WWOX: variants seen among roughly 807,000 people sequenced by gnomAD.
WWOX encodes the protein WW domain containing oxidoreductase, also known as WW domain-containing oxidoreductase.
WWOX carries 69 observed loss-of-function variants against 46.2 expected under a neutral mutation model. The ratio of observed to expected loss-of-function variants is 1.49; its 90% CI spans 1.23 to 1.82. The LOEUF is 1.82. Ranked by LOEUF, WWOX falls within the 40% of genes most tolerant of loss-of-function variation. The pLI is 0.00. For missense variants in WWOX, 919 were observed against 542.6 expected (o/e 1.69, Z -6.89); for synonymous variants, 359 against 202.6 (o/e 1.77, Z -6.56).
At chr16:78,900,412 G>GT (rs1414095069) in intron 8 of WWOX, among the ~76,000 whole-genome samples, 3 of 152,066 alleles carry the variant, frequency 2.0e-5, no homozygotes, top group Non-Finnish European at 4.4e-5. Context: ...CAAATAATTT[G>GT]TTTTTTATTT....
chr16:78,401,550 A>G (rs1028172363), intron 6 of WWOX, among the ~76,000 whole-genome samples: 8 of 152,112 alleles, frequency 5.3e-5, no homozygotes, highest in Admixed American at 3.9e-4. Flanking sequence ...ATTTAGGGGA[A>G]AGAGTCTGGA....
intron 8 of WWOX, among the ~76,000 whole-genome samples, chr16:78,892,672 T>C (rs1228534593): frequency 6.6e-6 from 1 of 152,222 alleles, no homozygotes; most frequent in Admixed American, 6.5e-5. Context: ...AGGCCAGCAT[T>C]GGGCTAGGTG....
intron 8 of WWOX, among the ~76,000 whole-genome samples, chr16:79,056,845 A>G (rs1029234500): frequency 1.3e-5 from 2 of 152,204 alleles, no homozygotes; most frequent in African/African-American, 2.4e-5. Context: ...CCAAATTGTC[A>G]TAGGAATAGT....
chr16:78,993,872 C>G (rs1167125929), intron 8 of WWOX, among the ~76,000 whole-genome samples: 1 of 152,220 alleles, frequency 6.6e-6, no homozygotes, highest in Non-Finnish European at 1.5e-5. Flanking sequence ...GTCGGTCACT[C>G]CTGTTCCTTT....
At chr16:78,917,561 C>G (rs529918040) in intron 8 of WWOX, among the ~76,000 whole-genome samples, 1 of 152,040 alleles carries the variant, frequency 6.6e-6, no homozygotes, top group Non-Finnish European at 1.5e-5. Context: ...TAACCCCCAA[C>G]CACTGTCACT....
chr16:78,936,038 A>C (rs2045730552), intron 8 of WWOX, among the ~76,000 whole-genome samples: 1 of 152,170 alleles, frequency 6.6e-6, no homozygotes, highest in South Asian at 2.1e-4. Context: ...TTTGGAGAGT[A>C]GGAGTGAAAG....
At chr16:79,023,252 A>G (rs547015127) in intron 8 of WWOX, among the ~76,000 whole-genome samples, 12 of 152,276 alleles carry the variant, frequency 7.9e-5, no homozygotes, top group African/African-American at 2.9e-4. Context: ...TAATAAAAGA[A>G]TTACTGTTCT....
chr16:78,156,562 T>A (rs552819494), intron 4 of WWOX, among the ~76,000 whole-genome samples: 2 of 152,278 alleles, frequency 1.3e-5, no homozygotes, highest in South Asian at 4.1e-4. Context: ...TCCTACTGGG[T>A]GCTAGTCTGG....
intron 8 of WWOX, among the ~76,000 whole-genome samples, chr16:78,463,173 A>G (rs2083992903): frequency 6.6e-6 from 1 of 152,220 alleles, no homozygotes; most frequent in Non-Finnish European, 1.5e-5. Flanking sequence ...GCGAAAGAAA[A>G]TAAACAGGCA....
At chr16:78,643,599 C>T (rs2142121413) in intron 8 of WWOX, among the ~76,000 whole-genome samples, 1 of 152,250 alleles carries the variant, frequency 6.6e-6, no homozygotes, top group African/African-American at 2.4e-5. Context: ...GGTTAATCAG[C>T]CACGCGCTGA....
At chr16:78,628,338 A>T (rs150572437) in intron 8 of WWOX, among the ~76,000 whole-genome samples, 3 of 152,234 alleles carry the variant, frequency 2.0e-5, no homozygotes, top group Non-Finnish European at 4.4e-5. Flanking sequence ...CTTCCAGCAG[A>T]ATCCCCTTTG....
At chr16:78,493,965 A>G (rs563846049) in intron 8 of WWOX, among the ~76,000 whole-genome samples, 1 of 152,324 alleles carries the variant, frequency 6.6e-6, no homozygotes, top group Admixed American at 6.5e-5. Flanking sequence ...CGATTCTCAC[A>G]CTGCTATAAA....
chr16:78,649,237 G>C (rs140701761), intron 8 of WWOX, among the ~76,000 whole-genome samples: 1 of 152,070 alleles, frequency 6.6e-6, no homozygotes, highest in African/African-American at 2.4e-5. Context: ...CAACCGCCTC[G>C]GACTTCCGAA....
At chr16:79,074,086 G>T (rs2048603711) in intron 8 of WWOX, among the ~76,000 whole-genome samples, 1 of 152,046 alleles carries the variant, frequency 6.6e-6, no homozygotes, top group Admixed American at 6.5e-5. Context: ...CTGAGGATGG[G>T]TGCTTTGTGG....
chr16:78,660,290 C>G lies in WWOX; in HGVS notation c.1056+227538C>G, dbSNP rs530060119. Among the ~76,000 whole-genome samples, 159 of 152,248 alleles carry G rather than the reference C, an allele frequency of 1.0e-3. 2 individuals are homozygous for G. Among genetic ancestry groups the G allele is most frequent in the African/African-American group, 3.7e-3 (155 of 41,560 alleles). Reference sequence around the variant, plus strand: ...ACTGTGAGCCCATCACTAAAATGCACTTCCGTACACTAAAGGTCCCTCTTC... The same window carrying G: ...ACTGTGAGCCCATCACTAAAATGCAGTTCCGTACACTAAAGGTCCCTCTTC... On this transcript the variant is annotated intron_variant, in intron 8 of 8. Transcript: ENST00000566780.
At position 78,099,727 on chromosome 16, in the gene WWOX, G is replaced by T. The variant is rs375359239; in HGVS notation, c.-52G>T. 9.3e-6 allele frequency: 14 copies of T among 1,507,978 alleles called. No individual in the cohort carries two copies. The highest frequency in any genetic ancestry group is 2.6e-5 in the East Asian group (1 of 38,804). The allele number at this position is 1,507,978 out of a possible 1,614,324, so 93.4% of individuals were successfully genotyped here. ...TTGGAGCGGGAGTGAGTTCCTGAGCGAGTGGACCCGGCAGCGGGCGATAGG... is the reference window on the plus strand; with the variant it reads ...TTGGAGCGGGAGTGAGTTCCTGAGCTAGTGGACCCGGCAGCGGGCGATAGG... On this transcript the variant is annotated 5_prime_UTR_variant, in exon 1 of 9. Transcript: ENST00000566780.
chr16:78,333,111 T>C (rs2080802704), intron 5 of WWOX, among the ~76,000 whole-genome samples: 1 of 137,428 alleles, frequency 7.3e-6, no homozygotes, highest in Admixed American at 8.0e-5. Context: ...AGTGCAGTGG[T>C]GTGATCTCGG....
chr16:78,214,585 T>G (rs1410977562), intron 5 of WWOX, among the ~76,000 whole-genome samples: 1 of 152,180 alleles, frequency 6.6e-6, no homozygotes, highest in African/African-American at 2.4e-5. Flanking sequence ...ATCATGCCAT[T>G]TAGCCACACT....
Position 78,131,241 on chromosome 16 carries a change from C to A in WWOX, c.409+16087C>A, listed in dbSNP as rs138124097. ...TTGATTCGCTTTTGTGAGACAGGGT[C>A]TTGCTCTGTTACCCAGGCTTCAGTG... On this transcript the variant is annotated intron_variant, in intron 4 of 8. Coordinates refer to ENST00000566780, the MANE Select transcript of WWOX (RefSeq NM_016373.4). Among the ~76,000 whole-genome samples the A allele has an allele frequency of 2.0e-4, 31 of 152,250 alleles. No homozygotes were observed. The East Asian group carries it at 4.6e-3, about 23-fold the overall frequency.
Sources: gnomAD v4.1 joint callset for allele counts (sites outside exome capture counted in the v4.1 genomes callset) on GRCh38, gnomAD v4.1.1 for gene constraint, MANE v1.5 for transcripts, NCBI Gene and HGNC (gene_info 2026-07-23, HGNC 2026-07-21) for gene names.